Variants in PLCD1 observed in about 807,000 individuals in gnomAD.
PLCD1 encodes phospholipase C delta 1.
PLCD1 carries 71 observed loss-of-function variants against 87.4 expected under a neutral mutation model. The observed-to-expected ratio is 0.81, with a 90% CI of 0.67 to 0.99. PLCD1 has a LOEUF of 0.99. Ranked by LOEUF, PLCD1 falls within the 50% of genes least tolerant of loss-of-function variation. The pLI, the probability that PLCD1 is intolerant of heterozygous loss-of-function variation, is 0.00. For missense variants in PLCD1, 867 were observed against 1,001.5 expected (o/e 0.87, Z 1.81); for synonymous variants, 348 against 399.2 (o/e 0.87, Z 1.53).
At chr3:38,024,854 C>T in intron 1 of PLCD1, 2 of 624,582 alleles carry the variant, frequency 3.2e-6, no homozygotes, top group Non-Finnish European at 4.6e-6. Context: ...GTGGGACTAA[C>T]GACCCCTGGA....
intron 3 of PLCD1, among the ~76,000 whole-genome samples, chr3:38,013,274 G>A (rs543637396): frequency 2.0e-5 from 3 of 148,326 alleles, no homozygotes; most frequent in East Asian, 2.0e-4. Flanking sequence ...GTGCAGTGGC[G>A]CAATCTTGGC....
chr3:38,013,862 A>G (rs1316816392), intron 3 of PLCD1, among the ~76,000 whole-genome samples: 4 of 152,248 alleles, frequency 2.6e-5, no homozygotes, highest in African/African-American at 9.6e-5. Context: ...AAGTCTTTCA[A>G]ATGCTCAAAA....
At position 38,011,525 on chromosome 3, in the gene PLCD1, C is replaced by G; in HGVS notation, c.558+19G>C. On this transcript the variant is annotated intron_variant, in intron 4 of 14. Transcript: ENST00000334661. ...GGGCCCCATGGACAGGCAGCCCCAG[C>G]CCCCACTTCCTGCCTCACCCTGAAG... The G allele has an allele frequency of 1.2e-6, 2 of 1,614,012 alleles. No homozygotes were observed. The highest frequency in any genetic ancestry group is 1.3e-5 in the African/African-American group (1 of 75,066).
rs750645847 is a variant in PLCD1 at position 38,011,575 on chromosome 3, A to C, written c.527T>G (p.Val176Gly). 13 of 1,614,068 alleles carry C rather than the reference A, an allele frequency of 8.1e-6. No individual in the cohort carries two copies. The Admixed American group carries it at 1.2e-4, about 14-fold the overall frequency. ...GATCTTCCGGGCATAGCTGTCGTCC[A>C]CCTGGATGTTGAGCTCCTTCAGGAA... ...QNFLKELNIQVDDSYARKIFR... is the reference protein window; with the variant it reads ...QNFLKELNIQGDDSYARKIFR... The change falls in exon 4 of 15, where the codon GTG (valine) becomes GGG (glycine). Residue 176 changes from valine to glycine, a missense_variant. Val to Gly is a moderately radical substitution (Grantham distance 109). Coordinates refer to ENST00000334661, the MANE Select transcript of PLCD1 (RefSeq NM_006225.4).
chr3:38,027,832 G>A (rs1211569668), intron 1 of PLCD1, among the ~76,000 whole-genome samples: 2 of 152,272 alleles, frequency 1.3e-5, no homozygotes, highest in African/African-American at 4.8e-5. Context: ...GGTTTGCAGT[G>A]TGGACAGAAG....
intron 2 of PLCD1, 72 bp from the exon 3 acceptor site, chr3:38,016,791 A>C (rs1218203766): frequency 1.0e-5 from 11 of 1,078,246 alleles, no homozygotes; most frequent in Non-Finnish European, 1.5e-5. Context: ...TGACATGGCC[A>C]AGGCCACAGT....
At chr3:38,015,336 A>G (rs926844817) in intron 3 of PLCD1, among the ~76,000 whole-genome samples, 12 of 152,256 alleles carry the variant, frequency 7.9e-5, no homozygotes, top group Non-Finnish European at 1.3e-4. Flanking sequence ...AGCCAGTCAC[A>G]AAAGACTCCA....
Position 38,011,563 on chromosome 3 carries a change from T to C in PLCD1, c.539A>G (p.Tyr180Cys), listed in dbSNP as rs775897920. Reference sequence around the variant, plus strand: ...CCTCACCCTGAAGATCTTCCGGGCATAGCTGTCGTCCACCTGGATGTTGAG... The same window carrying C: ...CCTCACCCTGAAGATCTTCCGGGCACAGCTGTCGTCCACCTGGATGTTGAG... The part of the protein sequence containing the change: ...KELNIQVDDS[Y>C]ARKIFRECDH... The change falls in exon 4 of 15, where the codon TAT (tyrosine) becomes TGT (cysteine). Residue 180 changes from tyrosine to cysteine, a missense_variant. By Grantham distance (194) the Tyr-to-Cys change is radical. Coordinates refer to ENST00000334661, the MANE Select transcript of PLCD1 (RefSeq NM_006225.4). The C allele has an allele frequency of 1.9e-6, 3 of 1,614,196 alleles. No homozygotes were observed. Among genetic ancestry groups the C allele is most frequent in the South Asian group, 2.2e-5 (2 of 91,070 alleles).
rs140671856 is a variant in PLCD1 at position 38,008,018 on chromosome 3, C to T, written c.2181G>A (p.Lys727=). 2.1e-4 allele frequency: 342 copies of T among 1,614,092 alleles called. No individual in the cohort carries two copies. The highest frequency in any genetic ancestry group is 2.8e-4 in the Non-Finnish European group (326 of 1,180,038). ...TCCCCTTCTCTTGACACTCACCTTG[C>T]TTGAGGCTGTTCAAGGGGATGGTAC... ...GQSTIPLNSL[K]QGYRHVHLMS... Residue 727 remains lysine (K), a synonymous_variant, in exon 14 of 15, where the codon AAG becomes AAA. Transcript: ENST00000334661.
intron 1 of PLCD1, among the ~76,000 whole-genome samples, chr3:38,027,059 G>A (rs1015939041): frequency 1.8e-4 from 27 of 152,294 alleles, no homozygotes; most frequent in African/African-American, 6.3e-4. Flanking sequence ...CACATCGGGG[G>A]ACCTGCTAGA....
intron 1 of PLCD1, chr3:38,024,633 A>C: frequency 6.6e-7 from 1 of 1,519,634 alleles, no homozygotes; most frequent in Non-Finnish European, 8.8e-7. Context: ...GCGGGACGAG[A>C]GGGAAATCTG....
At chr3:38,024,130 G>T in intron 1 of PLCD1, 1 of 551,546 alleles carries the variant, frequency 1.8e-6, no homozygotes, top group Non-Finnish European at 3.2e-6. Context: ...TAATGAGAAG[G>T]GGTAACTAAT....
rs939977776 is a variant in PLCD1 at position 38,024,842 on chromosome 3, G to T, written c.35-4490C>A. 67 of 787,034 alleles carry T rather than the reference G, an allele frequency of 8.5e-5. 1 individual carries two copies. The African/African-American group carries it at 1.1e-3, about 13-fold the overall frequency. 48.8% of individuals were successfully genotyped at this position (787,034 alleles called of 1,614,324 possible). ...CCCAAAAGGCTGGGCCATCCAAGAG[G>T]GGTGGGACTAACGACCCCTGGAGAT... On this transcript the variant is annotated intron_variant, in intron 1 of 14. Coordinates refer to ENST00000334661, the MANE Select transcript of PLCD1 (RefSeq NM_006225.4).
chr3:38,028,038 A>G (rs981957616), intron 1 of PLCD1, among the ~76,000 whole-genome samples: 1 of 152,230 alleles, frequency 6.6e-6, no homozygotes, highest in African/African-American at 2.4e-5. Context: ...CTGAGCCTCC[A>G]TGTGTCTTCC....
intron 1 of PLCD1, chr3:38,024,531 G>A (rs755892002): frequency 7.9e-6 from 12 of 1,517,652 alleles, no homozygotes; most frequent in East Asian, 2.5e-5. Context: ...GGTCCGGGGG[G>A]CGGAACTGTC....
Position 38,012,249 on chromosome 3 carries a change from A to G in PLCD1, c.429-576T>C, listed in dbSNP as rs1302309686. 4.0e-5 allele frequency among the ~76,000 whole-genome samples: 6 copies of G among 151,364 alleles called. No homozygotes were observed. In the East Asian group the frequency reaches 7.8e-4, roughly 20 times the overall value. ...AGTCTCAAACTCCTAGGCCCAAGCA[A>G]TCCTCCTGCTTTGACCTCCCAAAGT... On this transcript the variant is annotated intron_variant, in intron 3 of 14. Coordinates refer to ENST00000334661, the MANE Select transcript of PLCD1 (RefSeq NM_006225.4).
At chr3:38,029,477 T>C in intron 1 of PLCD1, 29 bp downstream of exon 1, 1 of 1,535,800 alleles carries the variant, frequency 6.5e-7, no homozygotes, top group South Asian at 1.2e-5. Flanking sequence ...CCCTGCAGGG[T>C]CTCCCGCTCG....
Position 38,011,305 on chromosome 3 carries a change from T to C in PLCD1, c.699A>G (p.Leu233=). ...GCTGCTGGTGCTGCAGGAACGTCAC[T>C]AACTGATCCACCGACAGAGTCTCCC... ...GSGETLSVDQ[L]VTFLQHQQRE... Residue 233 remains leucine, a synonymous_variant, in exon 5 of 15, where the codon TTA becomes TTG. Transcript: ENST00000334661. 1 of 1,612,092 alleles carries C rather than the reference T, an allele frequency of 6.2e-7. No individual in the cohort carries two copies. The highest frequency in any genetic ancestry group is 8.5e-7 in the Non-Finnish European group (1 of 1,180,022).
rs749772943 is a variant in PLCD1, at chr3:38,010,527, G to T, written c.826C>A (p.Leu276Ile). The change falls in exon 6 of 15, where the codon CTC becomes ATC. Residue 276 changes from leucine (L) to isoleucine (I), a missense_variant. Physicochemically the swap from Leu to Ile is conservative, Grantham distance 5. Transcript: ENST00000334661. ...CCGTCAGCCGACAGTAAGTACATGA[G>T]GAAGCCGTCCTTGGTCATCTGCCGC... ...AQRQMTKDGF[L>I]MYLLSADGSA... is the part of the protein sequence containing the mutation. 10 of 1,614,122 alleles carry T rather than the reference G, an allele frequency of 6.2e-6. No individual in the cohort carries two copies. The highest frequency in any genetic ancestry group is 8.5e-6 in the Non-Finnish European group (10 of 1,180,004).
Sources: gnomAD v4.1 joint callset for allele counts (sites outside exome capture counted in the v4.1 genomes callset) on GRCh38, gnomAD v4.1.1 for gene constraint, MANE v1.5 for transcripts, NCBI Gene and HGNC (gene_info 2026-07-23, HGNC 2026-07-21) for gene names.